The following MAST3 variants were observed in gnomAD, a reference collection of about 807,000 sequenced individuals.
The protein encoded by MAST3 is microtubule associated serine/threonine kinase 3, also known as microtubule-associated serine/threonine-protein kinase 3.
In MAST3, 43 loss-of-function variants were observed where a neutral mutation model predicts 127.0. That is an observed-to-expected ratio of 0.34 (90% CI 0.27 to 0.44). MAST3 has a LOEUF of 0.44. MAST3 is among the 20% of genes least tolerant of loss of function. The pLI is 1.00. For synonymous variants in MAST3, 785 were observed against 809.2 expected (o/e 0.97, Z 0.51); for missense variants, 1,390 against 1,919.1 (o/e 0.72, Z 5.15).
At chr19:18,123,915 G>A in intron 8 of MAST3, 24 bp from the exon 9 acceptor site, 3 of 1,538,984 alleles carry the variant, frequency 1.9e-6, no homozygotes, top group Admixed American at 3.9e-5. Context: ...CTCTGACCAG[G>A]TCGCCCCGTC....
chr19:18,145,916 G>T lies in MAST3; in HGVS notation c.3162+51G>T. The stretch of plus-strand genomic sequence containing the variant: ...CAGGGCTCCCCAGCACCCCTTGGCC[G>T]CAGCTCCCGGTTCCCCGTGGTTCTC... On this transcript the variant is annotated intron_variant, in intron 25 of 27. Transcript: ENST00000687212. The surrounding 1 kb of genome is among the most constrained non-coding windows in gnomAD (Gnocchi z 5.9). 6.6e-7 allele frequency: 1 copy of T among 1,521,832 alleles called. No homozygotes were observed. Among genetic ancestry groups the T allele is most frequent in the East Asian group, 2.6e-5 (1 of 39,008 alleles). 94.3% of individuals were successfully genotyped at this position (1,521,832 alleles called of 1,614,324 possible). A position where few individuals can be genotyped will look rare whatever the true frequency, so the allele number is the denominator to read the frequency against.
rs188716915 is a variant in MAST3, at chr19:18,144,316, G to A, written c.2585-150G>A. On this transcript the variant is annotated intron_variant, in intron 22 of 27. Transcript: ENST00000687212. The surrounding 1 kb of genome is among the most constrained non-coding windows in gnomAD (Gnocchi z 4.0). ...AAGACTTTTGCATAGAGAATAATTT[G>A]GGAAGGGAGTGCAGGAAGAGGGAAC... 1.3e-5 allele frequency: 10 copies of A among 753,396 alleles called. No individual in the cohort carries two copies. The Admixed American group carries it at 2.6e-4, about 20-fold the overall frequency. 46.7% of individuals were successfully genotyped at this position (753,396 alleles called of 1,614,324 possible).
chr19:18,126,506 T>C (rs936050611), intron 11 of MAST3, among the ~76,000 whole-genome samples: 2 of 152,138 alleles, frequency 1.3e-5, no homozygotes, highest in Non-Finnish European at 2.9e-5. Context: ...GCATGGTAGC[T>C]CACACTTGTA....
intron 12 of MAST3, among the ~76,000 whole-genome samples, 171 bp from the exon 13 acceptor site, chr19:18,128,695 A>G (rs749593357): frequency 1.3e-5 from 2 of 152,126 alleles, no homozygotes; most frequent in Non-Finnish European, 2.9e-5. Context: ...TCCCAGGAGG[A>G]GGGCACAGCT....
chr19:18,128,257 T>C (rs1448120365), intron 11 of MAST3, 143 bp from the exon 12 acceptor site: 1 of 619,360 alleles, frequency 1.6e-6, no homozygotes, highest in Non-Finnish European at 2.8e-6. Context: ...CGGATGTGGC[T>C]TCATGACAGT....
intron 27 of MAST3, among the ~76,000 whole-genome samples, chr19:18,148,525 G>C (rs1463140046): frequency 6.6e-6 from 1 of 152,150 alleles, no homozygotes; most frequent in Admixed American, 6.6e-5. Flanking sequence ...TCTGGAGGAG[G>C]GGGAGTAGGA....
chr19:18,142,360 T>C (rs1049180734), intron 21 of MAST3, among the ~76,000 whole-genome samples: 1 of 147,104 alleles, frequency 6.8e-6, no homozygotes, highest in Non-Finnish European at 1.5e-5. Flanking sequence ...TTTTTTTTTT[T>C]TTTTTTTTTG....
At chr19:18,104,925 G>A (rs964597321) in intron 1 of MAST3, among the ~76,000 whole-genome samples, 1 of 152,102 alleles carries the variant, frequency 6.6e-6, no homozygotes, top group African/African-American at 2.4e-5. Flanking sequence ...CCCTCCTCAC[G>A]TCATCTCCAG....
Position 18,130,569 on chromosome 19 carries a change from C to A in MAST3, c.1299C>A (p.Ile433=), listed in dbSNP as rs1305813425. 3.1e-6 allele frequency: 5 copies of A among 1,613,026 alleles called. No individual in the cohort carries two copies. The highest frequency in any genetic ancestry group is 4.2e-6 in the Non-Finnish European group (5 of 1,179,542). Residue 433 remains isoleucine, a synonymous_variant, in exon 14 of 28, where the codon ATC becomes ATA. Transcript: ENST00000687212. ...AIKKINKQNL[I]LRNQIQQVFV... is the part of the protein sequence containing the mutation. ...AGAAGATCAACAAACAGAACTTGAT[C>A]CTGCGTAACCAGATCCAGCAGGTCT...
chr19:18,142,129 CAT>C lies in MAST3; in HGVS notation c.2339+117_2339+118del, dbSNP rs994955068. ...AGTGGCCAAGTAGAAAAGGGTCAAA[CAT>C]ATTGACCAGCCTATCAGGTCCCTGG... On this transcript the variant is annotated intron_variant, in intron 21 of 27. Transcript: ENST00000687212. 3.5e-6 allele frequency: 4 copies of C among 1,131,000 alleles called. No individual in the cohort carries two copies. In the South Asian group the frequency reaches 9.3e-5, roughly 26 times the overall value. 70.1% of individuals were successfully genotyped at this position (1,131,000 alleles called of 1,614,324 possible).
chr19:18,147,625 G>T lies in MAST3; in HGVS notation c.3508+1G>T. The T allele has an allele frequency of 6.5e-7, 1 of 1,540,564 alleles. No individual in the cohort carries two copies. Among genetic ancestry groups the T allele is most frequent in the Admixed American group, 2.0e-5 (1 of 50,378 alleles). ...AGCCCAGCCCCTGATGTCCCAGCAGGTGGGTGCACCCCGACCCCCCACCAC... is the reference window on the plus strand; with the variant it reads ...AGCCCAGCCCCTGATGTCCCAGCAGTTGGGTGCACCCCGACCCCCCACCAC... On this transcript the variant is annotated splice_donor_variant, in intron 27 of 27. Transcript: ENST00000687212. LOFTEE classifies it high-confidence loss of function.
chr19:18,116,907 C>A (rs1363127275), intron 3 of MAST3, among the ~76,000 whole-genome samples: 1 of 70,156 alleles, frequency 1.4e-5, no homozygotes, highest in Admixed American at 1.5e-4. Flanking sequence ...GAGCGAAACT[C>A]TGTCTCAAAA....
At chr19:18,126,321 G>A (rs1212906975) in intron 11 of MAST3, among the ~76,000 whole-genome samples, 1 of 152,224 alleles carries the variant, frequency 6.6e-6, no homozygotes, top group Non-Finnish European at 1.5e-5. Flanking sequence ...AGTAGCCAGG[G>A]GGAGGCTCTG....
intron 1 of MAST3, among the ~76,000 whole-genome samples, chr19:18,103,558 A>T (rs903114787): frequency 3.9e-5 from 6 of 151,982 alleles, no homozygotes; most frequent in African/African-American, 1.5e-4. Flanking sequence ...AACAAACAAA[A>T]TATTCACATC....
intron 13 of MAST3, 126 bp downstream of exon 13, chr19:18,129,077 G>A: frequency 1.3e-6 from 1 of 794,952 alleles, no homozygotes; most frequent in Non-Finnish European, 2.1e-6. Flanking sequence ...AATGGGCAGA[G>A]AAGGCACCTG....
chr19:18,119,882 C>T (rs1295010049), intron 3 of MAST3, among the ~76,000 whole-genome samples: 1 of 152,236 alleles, frequency 6.6e-6, no homozygotes, highest in Non-Finnish European at 1.5e-5. Flanking sequence ...TTCTGCACCT[C>T]GGAGGCCCCG....
chr19:18,121,620 C>A, intron 3 of MAST3, 65 bp from the exon 4 acceptor site: 2 of 1,359,360 alleles, frequency 1.5e-6, no homozygotes, highest in Non-Finnish European at 2.1e-6. Context: ...GTGATTTAGG[C>A]TGGGCAGGTG....
At chr19:18,116,074 T>C (rs919368766) in intron 3 of MAST3, among the ~76,000 whole-genome samples, 2 of 150,800 alleles carry the variant, frequency 1.3e-5, no homozygotes, top group Non-Finnish European at 2.9e-5. Flanking sequence ...TTCTCAGCCT[T>C]GGTATTTGAA....
intron 18 of MAST3, among the ~76,000 whole-genome samples, chr19:18,136,279 C>T (rs947807062): frequency 1.3e-5 from 2 of 152,222 alleles, no homozygotes; most frequent in Non-Finnish European, 2.9e-5. Flanking sequence ...GGTCGGGGAT[C>T]ATCACCTGCT....
Sources: allele counts gnomAD v4.1 joint callset (sites outside exome capture counted in the v4.1 genomes callset), GRCh38; gene constraint gnomAD v4.1.1; non-coding constraint Gnocchi (gnomAD v3.1); transcripts MANE v1.5; gene names NCBI Gene and HGNC (gene_info 2026-07-23, HGNC 2026-07-21).